Variants in MYLK4 observed in about 807,000 individuals in gnomAD.
MYLK4 encodes the protein caMLCK like.
A neutral mutation model predicts 48.1 loss-of-function variants in MYLK4; 46 were observed. The observed-to-expected ratio is 0.96, with a 90% CI of 0.75 to 1.22. The LOEUF (loss-of-function observed/expected upper bound fraction) is 1.22, where lower values mean the gene tolerates loss of function less well. Among genes scored for constraint, MYLK4 ranks in the 50% most tolerant of loss-of-function variants. The pLI is 0.00. For synonymous variants in MYLK4, 170 were observed against 180.8 expected, an observed-to-expected ratio of 0.94 and a Z score of 0.48; for missense variants, 451 against 486.1, an observed-to-expected ratio of 0.93 and a Z score of 0.68.
At chr6:2,738,310 T>A (rs914475584) in intron 2 of MYLK4, among the ~76,000 whole-genome samples, 7 of 152,168 alleles carry the variant, frequency 4.6e-5, no homozygotes, top group Non-Finnish European at 1.0e-4. Context: ...ACTAACAGAG[T>A]ACTGAGCATA....
At chr6:2,713,840 G>C (rs531878099) in intron 2 of MYLK4, among the ~76,000 whole-genome samples, 1 of 152,216 alleles carries the variant, frequency 6.6e-6, no homozygotes. Context: ...AAACCGGCTT[G>C]GTAAAAATTC....
At chr6:2,765,870 C>G in the MYLK4 span, 1 of 1,445,286 alleles carries the variant, frequency 6.9e-7, no homozygotes, top group South Asian at 1.3e-5. Flanking sequence ...CTGAAGCAGC[C>G]AGCCACCCCG....
chr6:2,734,001 G>A (rs1763568074), intron 2 of MYLK4, among the ~76,000 whole-genome samples: 1 of 151,978 alleles, frequency 6.6e-6, no homozygotes. Flanking sequence ...CTTATCTAAC[G>A]TGAGTGCCAA....
intron 2 of MYLK4, among the ~76,000 whole-genome samples, chr6:2,701,965 C>A (rs1318405349): frequency 6.6e-6 from 1 of 152,214 alleles, no homozygotes; most frequent in Non-Finnish European, 1.5e-5. Context: ...ATCCACAAGG[C>A]GTCTGAAGAG....
chr6:2,685,613 G>A lies in MYLK4; in HGVS notation c.342-37C>T. On this transcript the variant is annotated intron_variant, in intron 4 of 12. Transcript: ENST00000274643. This position sits in a 1 kb window ranked among gnomAD's most constrained non-coding sequence, Gnocchi z 4.5. ...AGGAAGCGGCGTAGCATGAGGCCCTGTGGTCAGCTGCCGAGTGGACAGCGC... is the reference window on the plus strand; with the variant it reads ...AGGAAGCGGCGTAGCATGAGGCCCTATGGTCAGCTGCCGAGTGGACAGCGC... The A allele has an allele frequency of 6.3e-7, 1 of 1,596,550 alleles. No individual in the cohort carries two copies. The highest frequency in any genetic ancestry group is 8.6e-7 in the Non-Finnish European group (1 of 1,164,906).
At chr6:2,684,632 AAAAT>A (rs1761455468) in intron 6 of MYLK4, among the ~76,000 whole-genome samples, 1 of 152,178 alleles carries the variant, frequency 6.6e-6, no homozygotes, top group Non-Finnish European at 1.5e-5. Flanking sequence ...TACAACAACA[AAAAT>A]AATACAAATT....
At chr6:2,749,474 C>G (rs1764212874) in intron 1 of MYLK4, 68 bp from the exon 2 acceptor site, 1 of 460,642 alleles carries the variant, frequency 2.2e-6, no homozygotes, top group Non-Finnish European at 3.8e-6. Context: ...GAGAAAATGA[C>G]CAGTGAGAAT....
rs184099102 is a variant in MYLK4 at position 2,706,939 on chromosome 6, C to A, written c.160-14080G>T. Reference sequence around the variant, plus strand: ...AAAGTCTGTTTTCAGTTAGAAGCCCCATATAAAATGGGGCTCCATCTGTAT... The same window carrying A: ...AAAGTCTGTTTTCAGTTAGAAGCCCAATATAAAATGGGGCTCCATCTGTAT... On this transcript the variant is annotated intron_variant, in intron 2 of 12. Coordinates refer to ENST00000274643, the MANE Select transcript of MYLK4 (RefSeq NM_001012418.5). 1.7e-4 allele frequency among the ~76,000 whole-genome samples: 26 copies of A among 152,284 alleles called. No individual in the cohort carries two copies. The East Asian group carries it at 5.0e-3, about 29-fold the overall frequency.
chr6:2,769,433 T>G, the MYLK4 span, among the ~76,000 whole-genome samples: 1 of 152,070 alleles, frequency 6.6e-6, no homozygotes, highest in Non-Finnish European at 1.5e-5. Context: ...CATTAAAATT[T>G]TATTGGGCTG....
chr6:2,768,769 A>G, the MYLK4 span: 1 of 1,614,056 alleles, frequency 6.2e-7, no homozygotes, highest in East Asian at 2.2e-5. Flanking sequence ...AACAAATGCC[A>G]AGACAAATGA....
Position 2,721,053 on chromosome 6 carries a change from C to T in MYLK4, c.159+28083G>A, listed in dbSNP as rs555693913. Among the ~76,000 whole-genome samples the T allele has an allele frequency of 5.9e-5, 9 of 152,096 alleles. No individual in the cohort carries two copies. The South Asian group carries it at 1.5e-3, about 25-fold the overall frequency. ...GCACCTGCCTGTAGTCCCAGCTACT[C>T]GGGAGGCCAAGGCAGGAGAATCGCT... On this transcript the variant is annotated intron_variant, in intron 2 of 12. Transcript: ENST00000274643.
the MYLK4 span, among the ~76,000 whole-genome samples, chr6:2,762,973 A>G: frequency 1.6e-3 from 246 of 150,648 alleles, no homozygotes; most frequent in Non-Finnish European, 2.7e-3. Flanking sequence ...TGCAAAAAAT[A>G]AAAGAACAAA....
chr6:2,727,638 G>A (rs567421299), intron 2 of MYLK4, among the ~76,000 whole-genome samples: 10 of 152,076 alleles, frequency 6.6e-5, no homozygotes, highest in African/African-American at 2.4e-4. Flanking sequence ...CTAATAAGAC[G>A]GTTCATATCT....
intron 2 of MYLK4, among the ~76,000 whole-genome samples, chr6:2,718,179 C>CAAAAAAAAAAAA (rs10590230): frequency 1.5e-5 from 2 of 133,300 alleles, no homozygotes; most frequent in South Asian, 2.4e-4. Flanking sequence ...AACTCTGTCT[C>CAAAAAAAAAAAA]AAAAAAAAAA....
chr6:2,766,595 T>G, the MYLK4 span: 7 of 1,354,764 alleles, frequency 5.2e-6, no homozygotes, highest in Non-Finnish European at 6.7e-6. Flanking sequence ...GGGCAGTGCC[T>G]GGTCCACAGG....
At chr6:2,765,196 CCCT>C in the MYLK4 span, among the ~76,000 whole-genome samples, 5 of 89,326 alleles carry the variant, frequency 5.6e-5, no homozygotes, top group East Asian at 3.6e-4. Context: ...CCCCCCCCGC[CCCT>C]CCCCCGCCCC....
intron 2 of MYLK4, among the ~76,000 whole-genome samples, chr6:2,708,678 G>T (rs1343997613): frequency 6.6e-6 from 1 of 152,032 alleles, no homozygotes; most frequent in African/African-American, 2.4e-5. Context: ...TAATCTTTTG[G>T]CCTATCACTT....
intron 2 of MYLK4, among the ~76,000 whole-genome samples, chr6:2,709,205 C>T (rs1001915302): frequency 6.6e-6 from 1 of 152,302 alleles, no homozygotes; most frequent in East Asian, 1.9e-4. Flanking sequence ...TTCCAAAATT[C>T]GGTCTTTATT....
chr6:2,749,319 A>C lies in MYLK4; in HGVS notation c.-25T>G. On this transcript the variant is annotated 5_prime_UTR_variant, in exon 2 of 13. Transcript: ENST00000274643. ...TCTTAGTAGTGAGTCCGATTAAGCT[A>C]CTTTCTGGAGTGTGGTTTTCGTCTC... 6.2e-7 allele frequency: 1 copy of C among 1,603,234 alleles called. No homozygotes were observed. Among genetic ancestry groups the C allele is most frequent in the Non-Finnish European group, 8.5e-7 (1 of 1,173,666 alleles).
Sources: allele counts gnomAD v4.1 joint callset (sites outside exome capture counted in the v4.1 genomes callset), GRCh38; gene constraint gnomAD v4.1.1; non-coding constraint Gnocchi (gnomAD v3.1); transcripts MANE v1.5; gene names NCBI Gene and HGNC (gene_info 2026-07-23, HGNC 2026-07-21).